Variants in PARP4 observed in about 807,000 individuals in gnomAD.
The protein encoded by PARP4 is protein mono-ADP-ribosyltransferase PARP4.
Under a neutral mutation model 187.7 loss-of-function variants are expected in PARP4, and 120 were observed. That is an observed-to-expected ratio of 0.64 (90% CI 0.55 to 0.74). PARP4 has a LOEUF of 0.74. Among genes scored for constraint, PARP4 ranks in the 30% least tolerant of loss-of-function variants. The pLI, the probability that PARP4 is intolerant of heterozygous loss-of-function variation, is 0.00. For synonymous variants in PARP4, 654 were observed against 740.9 expected (o/e 0.88, Z 1.90); for missense variants, 1,836 against 2,070.5 (o/e 0.89, Z 2.20).
chr13:24,450,375 G>A (rs1871444873), intron 24 of PARP4, among the ~76,000 whole-genome samples: 1 of 150,812 alleles, frequency 6.6e-6, no homozygotes, highest in Non-Finnish European at 1.5e-5. Flanking sequence ...TTGCTTAGAG[G>A]AATTCCTCCT....
intron 24 of PARP4, among the ~76,000 whole-genome samples, chr13:24,451,228 CCAG>C (rs1871501417): frequency 6.6e-6 from 1 of 152,176 alleles, no homozygotes; most frequent in African/African-American, 2.4e-5. Context: ...GCTGCTGAGA[CCAG>C]GAGACGGTGC....
intron 10 of PARP4, 56 bp downstream of exon 10, chr13:24,490,608 AACGG>A: frequency 1.5e-6 from 2 of 1,290,472 alleles, no homozygotes; most frequent in East Asian, 2.3e-5. Context: ...TTAGCTCTTT[AACGG>A]AGTCTCAAAG....
At chr13:24,469,397 A>G (rs916127844) in intron 16 of PARP4, among the ~76,000 whole-genome samples, 17 of 152,356 alleles carry the variant, frequency 1.1e-4, no homozygotes, top group African/African-American at 4.1e-4. Context: ...AAAACATAAT[A>G]ATTACTTTAA....
intron 4 of PARP4, 57 bp from the exon 5 acceptor site, chr13:24,499,433 A>T: frequency 7.0e-7 from 1 of 1,420,894 alleles, no homozygotes; most frequent in Non-Finnish European, 9.5e-7. Context: ...TAGGCTAAAC[A>T]GAATTTCATA....
intron 17 of PARP4, among the ~76,000 whole-genome samples, chr13:24,461,805 G>A (rs907650756): frequency 2.0e-5 from 3 of 152,126 alleles, no homozygotes; most frequent in African/African-American, 4.8e-5. Flanking sequence ...CCAGAGCTGC[G>A]GGGAAGGGGC....
At chr13:24,438,425 G>T (rs1467487519) in intron 30 of PARP4, among the ~76,000 whole-genome samples, 1 of 152,208 alleles carries the variant, frequency 6.6e-6, no homozygotes, top group Non-Finnish European at 1.5e-5. Context: ...GGGACTGGGG[G>T]TTGGGGACCC....
At chr13:24,445,586 G>A (rs181210054) in intron 27 of PARP4, among the ~76,000 whole-genome samples, 7 of 152,318 alleles carry the variant, frequency 4.6e-5, no homozygotes, top group African/African-American at 1.7e-4. Flanking sequence ...TTAGACAGAA[G>A]CTCCTGTGCT....
At position 24,491,296 on chromosome 13, in the gene PARP4, A is replaced by AT. The variant is rs1868633067; in HGVS notation, c.1054-469dup. Among the ~76,000 whole-genome samples the AT allele has an allele frequency of 1.3e-5, 2 of 152,080 alleles. 1 individual carries two copies. The highest frequency in any genetic ancestry group is 1.3e-4 in the Admixed American group (2 of 15,264). On this transcript the variant is annotated intron_variant, in intron 9 of 33. Coordinates refer to ENST00000381989, the MANE Select transcript of PARP4 (RefSeq NM_006437.4). ...CCACCATGCCTAGCTAACTTCTTGT[A>AT]TTTTTAATAGAGATGGGGTTTCACC...
At chr13:24,438,619 T>C (rs1870752009) in intron 30 of PARP4, among the ~76,000 whole-genome samples, 1 of 152,114 alleles carries the variant, frequency 6.6e-6, no homozygotes, top group Non-Finnish European at 1.5e-5. Flanking sequence ...GGGAACGAAG[T>C]GGATTTGGGG....
At chr13:24,502,955 C>G (rs916654233) in intron 2 of PARP4, among the ~76,000 whole-genome samples, 1 of 152,170 alleles carries the variant, frequency 6.6e-6, no homozygotes, top group Non-Finnish European at 1.5e-5. Flanking sequence ...GGTGAGTCAG[C>G]TCATCAATTC....
At chr13:24,450,859 A>G (rs1871480063) in intron 24 of PARP4, among the ~76,000 whole-genome samples, 1 of 152,118 alleles carries the variant, frequency 6.6e-6, no homozygotes, top group South Asian at 2.1e-4. Flanking sequence ...TCCCCGTCAC[A>G]TGCCTTACAT....
chr13:24,492,412 G>A lies in PARP4; in HGVS notation c.1053+9C>T, dbSNP rs199774127. On this transcript the variant is annotated intron_variant, in intron 9 of 33. Coordinates refer to ENST00000381989, the MANE Select transcript of PARP4 (RefSeq NM_006437.4). ...ATAATAAATAGAATTCTATATTTCA[G>A]AGGTTTACCTGGCAGAGGTCTGCTT... is the stretch of plus-strand genomic sequence containing the variant. 2.5e-6 allele frequency: 4 copies of A among 1,596,898 alleles called. No homozygotes were observed. In the East Asian group the frequency reaches 8.9e-5, roughly 36 times the overall value.
chr13:24,455,912 C>G (rs1871819370), intron 21 of PARP4, among the ~76,000 whole-genome samples: 1 of 151,990 alleles, frequency 6.6e-6, no homozygotes, highest in African/African-American at 2.4e-5. Flanking sequence ...TGTGAGCCAC[C>G]ACACCCAGCC....
intron 24 of PARP4, among the ~76,000 whole-genome samples, chr13:24,450,829 C>T (rs1871476598): frequency 6.6e-6 from 1 of 152,194 alleles, no homozygotes; most frequent in African/African-American, 2.4e-5. Context: ...GGAGCAGGCT[C>T]CCCCACTGCA....
At position 24,492,408 on chromosome 13, in the gene PARP4, T is replaced by C; in HGVS notation, c.1053+13A>G. ...TTTTATAATAAATAGAATTCTATAT[T>C]TCAGAGGTTTACCTGGCAGAGGTCT... On this transcript the variant is annotated intron_variant, in intron 9 of 33. Coordinates refer to ENST00000381989, the MANE Select transcript of PARP4 (RefSeq NM_006437.4). 6.3e-7 allele frequency: 1 copy of C among 1,592,226 alleles called. No individual in the cohort carries two copies. Among genetic ancestry groups the C allele is most frequent in the Non-Finnish European group, 8.6e-7 (1 of 1,165,578 alleles).
chr13:24,438,274 C>T (rs1870735280), intron 30 of PARP4, among the ~76,000 whole-genome samples: 1 of 152,138 alleles, frequency 6.6e-6, no homozygotes. Flanking sequence ...TCCACATGTT[C>T]CATATGCACA....
chr13:24,434,053 A>G (rs1870477523), intron 31 of PARP4, among the ~76,000 whole-genome samples: 1 of 152,218 alleles, frequency 6.6e-6, no homozygotes, highest in Non-Finnish European at 1.5e-5. Context: ...ATTACAATCC[A>G]TTAGTTCTAG....
intron 15 of PARP4, 36 bp downstream of exon 15, chr13:24,475,436 T>C (rs771216994): frequency 3.2e-6 from 5 of 1,585,418 alleles, no homozygotes; most frequent in East Asian, 4.5e-5. Context: ...TTTACATCCA[T>C]GTAGTTTAAG....
chr13:24,462,978 A>C (rs1324135518), intron 17 of PARP4, among the ~76,000 whole-genome samples: 1 of 151,802 alleles, frequency 6.6e-6, no homozygotes, highest in African/African-American at 2.4e-5. Context: ...GAAATATTTC[A>C]ATAGATAAAG....
Sources: allele counts gnomAD v4.1 joint callset (sites outside exome capture counted in the v4.1 genomes callset), GRCh38; gene constraint gnomAD v4.1.1; transcripts MANE v1.5; gene names NCBI Gene and HGNC (gene_info 2026-07-23, HGNC 2026-07-21).